Variants in OLFML2B observed in about 807,000 individuals in gnomAD.
The protein encoded by OLFML2B is olfactomedin-like protein 2B.
In OLFML2B, 57 loss-of-function variants were observed where a neutral mutation model predicts 74.9. The observed-to-expected ratio is 0.76, with a 90% CI of 0.61 to 0.95. The LOEUF is 0.95. Among genes scored for constraint, OLFML2B ranks in the 40% least tolerant of loss-of-function variants. The pLI is 0.00. For missense variants in OLFML2B, 986 were observed against 970.6 expected, an observed-to-expected ratio of 1.02 and a Z score of -0.21; for synonymous variants, 388 against 405.8, an observed-to-expected ratio of 0.96 and a Z score of 0.53.
In OLFML2B at chr1:162,019,991, T is replaced by A; in HGVS notation, c.366A>T (p.Pro122=). The A allele has an allele frequency of 6.2e-7, 1 of 1,614,160 alleles. No individual in the cohort carries two copies. The highest frequency in any genetic ancestry group is 8.5e-7 in the Non-Finnish European group (1 of 1,180,014). The change falls in exon 2 of 8, where the codon CCA becomes CCT. Residue 122 remains proline, a synonymous_variant. Transcript: ENST00000294794. ...CTCCCTCGCAGGGATTGAGGGCCGA[T>A]GGGGGTGCTACACAGGCACACTTGC... is the stretch of plus-strand genomic sequence containing the variant. ...SSCKCACVAP[P]SALNPCEGDF...
chr1:162,013,412 C>A (rs1690448146), intron 3 of OLFML2B, among the ~76,000 whole-genome samples: 1 of 152,164 alleles, frequency 6.6e-6, no homozygotes, highest in South Asian at 2.1e-4. Context: ...AGTTAAGTTT[C>A]TAGAACACAG....
chr1:162,019,384 G>T (rs1690634485), intron 2 of OLFML2B, among the ~76,000 whole-genome samples: 1 of 152,218 alleles, frequency 6.6e-6, no homozygotes, highest in African/African-American at 2.4e-5. Context: ...TGCAAGGGAA[G>T]AGGGGGTGCA....
chr1:162,011,128 A>G (rs1301113183), intron 3 of OLFML2B, among the ~76,000 whole-genome samples: 2 of 152,164 alleles, frequency 1.3e-5, no homozygotes, highest in African/African-American at 4.8e-5. Flanking sequence ...GAGTAGACAA[A>G]GCCAGACTGC....
chr1:161,983,893 T>C lies in OLFML2B; in HGVS notation c.2035A>G (p.Ile679Val). ...RRNFYGNCFV[I>V]CGVLYAVDSY... ...TCCACGGCATACAGCACCCCACAGA[T>C]GACGAAGCAGTTGCCGTAGAAATTC... Residue 679 changes from isoleucine to valine, a missense_variant, in exon 8 of 8, where the codon ATC (isoleucine) becomes GTC (valine). By Grantham distance (29) the Ile-to-Val change is conservative. Transcript: ENST00000294794. 1 of 1,614,208 alleles carries C rather than the reference T, an allele frequency of 6.2e-7. No homozygotes were observed. Among genetic ancestry groups the C allele is most frequent in the South Asian group, 1.1e-5 (1 of 91,082 alleles).
chr1:161,988,250 C>T (rs1034795162), intron 6 of OLFML2B, among the ~76,000 whole-genome samples: 4 of 152,186 alleles, frequency 2.6e-5, no homozygotes, highest in Non-Finnish European at 4.4e-5. Flanking sequence ...TCAAACGTTA[C>T]CAGGGTCTGA....
chr1:161,986,496 A>C (rs1689596316), intron 6 of OLFML2B, among the ~76,000 whole-genome samples: 1 of 152,208 alleles, frequency 6.6e-6, no homozygotes, highest in African/African-American at 2.4e-5. Context: ...GGCAGGGTTT[A>C]GGCAGCTCAG....
In OLFML2B at chr1:161,998,219, C is replaced by T. The variant is rs1338845675; in HGVS notation, c.1080G>A (p.Val360=). The T allele has an allele frequency of 1.9e-6, 3 of 1,613,952 alleles. No homozygotes were observed. The highest frequency in any genetic ancestry group is 1.3e-5 in the African/African-American group (1 of 75,038). ...AATRQGHSTA[V]TSDLNARTAP... ...CGGTCCGAGCGTTCAGGTCGCTTGTCACAGCAGTGCTGTGTCCCTGACGGG... is the reference window on the plus strand; with the variant it reads ...CGGTCCGAGCGTTCAGGTCGCTTGTTACAGCAGTGCTGTGTCCCTGACGGG... The change falls in exon 6 of 8, where the codon GTG becomes GTA. Residue 360 remains valine, a synonymous_variant. Transcript: ENST00000294794.
intron 4 of OLFML2B, among the ~76,000 whole-genome samples, chr1:162,002,702 C>T (rs539830970): frequency 6.6e-6 from 1 of 152,232 alleles, no homozygotes; most frequent in Non-Finnish European, 1.5e-5. Flanking sequence ...TGGTGACCGA[C>T]TCCTGAAAGG....
intron 3 of OLFML2B, among the ~76,000 whole-genome samples, chr1:162,014,102 T>C (rs1046302722): frequency 1.3e-5 from 2 of 152,184 alleles, no homozygotes; most frequent in African/African-American, 4.8e-5. Context: ...GGAGAGAGCA[T>C]ATGGGGGCCT....
intron 5 of OLFML2B, 59 bp downstream of exon 5, chr1:162,000,054 C>A: frequency 7.4e-7 from 1 of 1,351,608 alleles, no homozygotes; most frequent in South Asian, 1.3e-5. Flanking sequence ...CCACTATGGT[C>A]CAAATGGTGA....
At chr1:161,995,816 T>C (rs761228301) in intron 6 of OLFML2B, among the ~76,000 whole-genome samples, 6 of 152,162 alleles carry the variant, frequency 3.9e-5, no homozygotes, top group Non-Finnish European at 7.4e-5. Context: ...TGGAGGGATG[T>C]TCCCTCTCAC....
intron 6 of OLFML2B, among the ~76,000 whole-genome samples, chr1:161,995,792 G>A (rs1167198713): frequency 6.6e-6 from 1 of 152,214 alleles, no homozygotes; most frequent in East Asian, 1.9e-4. Flanking sequence ...ACAGGGGCCA[G>A]ATTCCTAAAT....
chr1:161,993,902 G>A (rs1430353576), intron 6 of OLFML2B, among the ~76,000 whole-genome samples: 2 of 152,198 alleles, frequency 1.3e-5, no homozygotes, highest in African/African-American at 4.8e-5. Flanking sequence ...GCACCTTTGG[G>A]AAAGTGACCA....
chr1:162,020,689 G>C (rs1690679650), intron 1 of OLFML2B, among the ~76,000 whole-genome samples: 1 of 152,032 alleles, frequency 6.6e-6, no homozygotes, highest in South Asian at 2.1e-4. Context: ...ACCATGCCCA[G>C]CTAATTTTGT....
chr1:162,007,343 G>A (rs1159558896), intron 3 of OLFML2B, among the ~76,000 whole-genome samples: 2 of 152,192 alleles, frequency 1.3e-5, no homozygotes, highest in African/African-American at 2.4e-5. Flanking sequence ...GAGGAAAGTG[G>A]AGGCGTCCCA....
chr1:161,994,502 C>A (rs1689832369), intron 6 of OLFML2B, among the ~76,000 whole-genome samples: 1 of 152,264 alleles, frequency 6.6e-6, no homozygotes, highest in African/African-American at 2.4e-5. Context: ...CCCTCCCCCA[C>A]TCCAAACCAG....
chr1:162,007,470 G>A (rs1375071923), intron 3 of OLFML2B, among the ~76,000 whole-genome samples: 1 of 152,172 alleles, frequency 6.6e-6, no homozygotes, highest in African/African-American at 2.4e-5. Context: ...ACTATATTGA[G>A]ATCCAACTTT....
chr1:162,005,559 A>T (rs1373579594), intron 4 of OLFML2B, among the ~76,000 whole-genome samples: 2 of 152,176 alleles, frequency 1.3e-5, no homozygotes, highest in Non-Finnish European at 2.9e-5. Context: ...TTTGTTTCCA[A>T]ACTGGGGCAT....
At chr1:161,988,422 A>G (rs1425613386) in intron 6 of OLFML2B, among the ~76,000 whole-genome samples, 1 of 152,018 alleles carries the variant, frequency 6.6e-6, no homozygotes, top group Non-Finnish European at 1.5e-5. Flanking sequence ...CTGCTCCCCA[A>G]CTAACCTCGT....
Sources: gnomAD v4.1 joint callset for allele counts (sites outside exome capture counted in the v4.1 genomes callset) on GRCh38, gnomAD v4.1.1 for gene constraint, MANE v1.5 for transcripts, NCBI Gene and HGNC (gene_info 2026-07-23, HGNC 2026-07-21) for gene names.